The following ARID2 variants were observed in gnomAD, a reference collection of about 807,000 sequenced individuals.
The protein encoded by ARID2 is AT-rich interactive domain-containing protein 2.
In ARID2, 32 loss-of-function variants were observed where a neutral mutation model predicts 184.6. The ratio of observed to expected loss-of-function variants is 0.17; its 90% CI spans 0.13 to 0.23. The LOEUF is 0.23. Among genes scored for constraint, ARID2 ranks in the 10% least tolerant of loss-of-function variants. ARID2 has a pLI of 1.00. For synonymous variants in ARID2, 836 were observed against 772.6 expected (o/e 1.08, Z -1.36); for missense variants, 1,696 against 2,197.6 (o/e 0.77, Z 4.56).
chr12:45,806,036 T>C (rs554954113), intron 3 of ARID2, among the ~76,000 whole-genome samples: 1 of 152,296 alleles, frequency 6.6e-6, no homozygotes, highest in South Asian at 2.1e-4. Flanking sequence ...GTGGCTTTAT[T>C]CTTTCTGAGT....
At chr12:45,827,340 G>A (rs984586761) in intron 6 of ARID2, among the ~76,000 whole-genome samples, 7 of 151,928 alleles carry the variant, frequency 4.6e-5, no homozygotes, top group South Asian at 2.1e-4. Context: ...AAGAATTATC[G>A]GATTAATAGC....
chr12:45,768,323 T>G (rs960958222), intron 3 of ARID2, among the ~76,000 whole-genome samples: 1 of 152,104 alleles, frequency 6.6e-6, no homozygotes, highest in African/African-American at 2.4e-5. Flanking sequence ...ACAGTACCAC[T>G]GAGAATACTG....
intron 3 of ARID2, 92 bp from the exon 4 acceptor site, chr12:45,811,326 T>G: frequency 7.6e-7 from 1 of 1,324,298 alleles, no homozygotes; most frequent in Non-Finnish European, 1.0e-6. Context: ...TTTAGATTAT[T>G]GTTTAGAAAA....
chr12:45,815,912 C>T (rs1454350567), intron 4 of ARID2, among the ~76,000 whole-genome samples: 2 of 152,300 alleles, frequency 1.3e-5, no homozygotes, highest in Admixed American at 6.5e-5. Context: ...CTTCCTTCCT[C>T]AGCCTCCCAA....
intron 6 of ARID2, among the ~76,000 whole-genome samples, chr12:45,822,488 T>C (rs1942916462): frequency 6.6e-6 from 1 of 152,172 alleles, no homozygotes; most frequent in Admixed American, 6.5e-5. Flanking sequence ...TGCAGTGAGC[T>C]ATAATTGTGC....
At chr12:45,798,514 T>C (rs559340033) in intron 3 of ARID2, among the ~76,000 whole-genome samples, 4 of 152,222 alleles carry the variant, frequency 2.6e-5, no homozygotes, top group South Asian at 2.1e-4. Flanking sequence ...AAGGGTGTTA[T>C]CTGTTCATGC....
chr12:45,895,245 C>T (rs907727000), intron 20 of ARID2, among the ~76,000 whole-genome samples: 1 of 152,210 alleles, frequency 6.6e-6, no homozygotes, highest in African/African-American at 2.4e-5. Context: ...GTGCCCAACA[C>T]ATTATAACCT....
intron 20 of ARID2, among the ~76,000 whole-genome samples, chr12:45,899,270 C>CA (rs774912363): frequency 0.015 from 686 of 46,224 alleles, 37 homozygotes; most frequent in African/African-American, 0.044. Flanking sequence ...GACTCTGTCT[C>CA]AAAAAAAAAA....
chr12:45,785,326 T>C (rs1006960192), intron 3 of ARID2, among the ~76,000 whole-genome samples: 1 of 152,222 alleles, frequency 6.6e-6, no homozygotes, highest in Non-Finnish European at 1.5e-5. Context: ...ACTTACCTCA[T>C]AGTGTTTAAT....
At position 45,893,828 on chromosome 12, in the gene ARID2, A is replaced by G. The variant is rs184252377; in HGVS notation, c.5363+107A>G. On this transcript the variant is annotated intron_variant, in intron 20 of 20. Coordinates refer to ENST00000334344, the MANE Select transcript of ARID2 (RefSeq NM_152641.4). ...ATTTTCTTCATTGTTTTTCTCATCAATTTTGCAAATACATCCAAAAGTTTA... is the reference window on the plus strand; with the variant it reads ...ATTTTCTTCATTGTTTTTCTCATCAGTTTTGCAAATACATCCAAAAGTTTA... 67 of 1,036,046 alleles carry G rather than the reference A, an allele frequency of 6.5e-5. No individual in the cohort carries two copies. The Admixed American group carries it at 1.6e-3, about 25-fold the overall frequency. 64.2% of individuals were successfully genotyped at this position (1,036,046 alleles called of 1,614,324 possible). A position where few individuals can be genotyped will look rare whatever the true frequency, so the allele number is the denominator to read the frequency against.
chr12:45,818,497 T>C (rs1040139214), intron 5 of ARID2, among the ~76,000 whole-genome samples: 2 of 152,154 alleles, frequency 1.3e-5, no homozygotes, highest in Non-Finnish European at 2.9e-5. Flanking sequence ...AGTTTTTCTT[T>C]TGTAAAATAT....
chr12:45,744,831 A>G lies in ARID2; in HGVS notation c.284+13517A>G, dbSNP rs371254868. The stretch of plus-strand genomic sequence containing the variant: ...CATTTAAATTCATCAATGCTAAATT[A>G]AATGTGTTATGTTTTTACATAGTAT... On this transcript the variant is annotated intron_variant, in intron 3 of 20. Transcript: ENST00000334344. 2.6e-5 allele frequency among the ~76,000 whole-genome samples: 4 copies of G among 152,350 alleles called. No individual in the cohort carries two copies. The East Asian group carries it at 7.7e-4, about 29-fold the overall frequency.
chr12:45,762,776 T>TATAA (rs1302730702), intron 3 of ARID2, among the ~76,000 whole-genome samples: 2 of 152,236 alleles, frequency 1.3e-5, no homozygotes, highest in Non-Finnish European at 2.9e-5. Flanking sequence ...AGGTAATAGC[T>TATAA]ATAAATGATT....
chr12:45,749,008 C>T (rs1386064802), intron 3 of ARID2, among the ~76,000 whole-genome samples: 2 of 152,182 alleles, frequency 1.3e-5, no homozygotes, highest in East Asian at 3.9e-4. Flanking sequence ...TGTTAATGTT[C>T]ATATTTTAAC....
At chr12:45,879,770 T>C (rs2138215655) in intron 16 of ARID2, among the ~76,000 whole-genome samples, 1 of 152,346 alleles carries the variant, frequency 6.6e-6, no homozygotes. Context: ...TTGTTTATCA[T>C]CATTAAGCAC....
At position 45,793,861 on chromosome 12, in the gene ARID2, T is replaced by C. The variant is rs1201689562; in HGVS notation, c.285-17557T>C. Among the ~76,000 whole-genome samples, 3 of 152,198 alleles carry C rather than the reference T, an allele frequency of 2.0e-5. No homozygotes were observed. The East Asian group carries it at 5.8e-4, about 29-fold the overall frequency. ...GTCATTTCTTTTTTTTAGGAAATAT[T>C]TTTATTTTTTCTATTCTTTCCTTTT... On this transcript the variant is annotated intron_variant, in intron 3 of 20. Transcript: ENST00000334344.
At chr12:45,760,924 C>T (rs572163740) in intron 3 of ARID2, among the ~76,000 whole-genome samples, 3 of 152,028 alleles carry the variant, frequency 2.0e-5, no homozygotes, top group South Asian at 2.1e-4. Context: ...TGCAGTGGTG[C>T]GATCATAGCT....
intron 3 of ARID2, among the ~76,000 whole-genome samples, chr12:45,798,492 A>C (rs896325436): frequency 1.3e-5 from 2 of 152,224 alleles, no homozygotes; most frequent in African/African-American, 4.8e-5. Flanking sequence ...AGGCAGGAGA[A>C]TCCATCTGGA....
chr12:45,877,089 C>T (rs1360639553), intron 16 of ARID2, among the ~76,000 whole-genome samples: 1 of 123,444 alleles, frequency 8.1e-6, no homozygotes, highest in Non-Finnish European at 1.6e-5. Flanking sequence ...GAGACTCCAT[C>T]TCAAAAAAAA....
Sources: gnomAD v4.1 joint callset for allele counts (sites outside exome capture counted in the v4.1 genomes callset) on GRCh38, gnomAD v4.1.1 for gene constraint, MANE v1.5 for transcripts, NCBI Gene and HGNC (gene_info 2026-07-23, HGNC 2026-07-21) for gene names.